Variants in PKHD1 observed in about 807,000 individuals in gnomAD.
The protein encoded by PKHD1 is PKHD1 ciliary IPT domain containing fibrocystin/polyductin.
In PKHD1, 291 loss-of-function variants were observed where a neutral mutation model predicts 412.0. The observed-to-expected ratio is 0.71, with a 90% CI of 0.64 to 0.78. The LOEUF is 0.78. PKHD1 is among the 30% of genes least tolerant of loss of function. PKHD1 has a pLI of 0.00. For synonymous variants in PKHD1, 1,777 were observed against 1,821.5 expected (o/e 0.98, Z 0.62); for missense variants, 4,825 against 4,950.7 (o/e 0.97, Z 0.76).
At chr6:51,648,332 G>T (rs933371911) in intron 62 of PKHD1, among the ~76,000 whole-genome samples, 5 of 152,196 alleles carry the variant, frequency 3.3e-5, no homozygotes, top group South Asian at 2.1e-4. Context: ...TGCAAGACAA[G>T]TTGGGGCAGG....
intron 43 of PKHD1, among the ~76,000 whole-genome samples, chr6:51,897,262 A>T (rs1211546716): frequency 6.6e-6 from 1 of 151,772 alleles, no homozygotes; most frequent in Non-Finnish European, 1.5e-5. Context: ...GCAGCCAGAG[A>T]GAAAGGTCGG....
intron 21 of PKHD1, among the ~76,000 whole-genome samples, chr6:52,050,728 G>A (rs1006485205): frequency 6.6e-6 from 1 of 152,150 alleles, no homozygotes; most frequent in Non-Finnish European, 1.5e-5. Context: ...GGGCACTTGG[G>A]TGTTTATCCA....
At chr6:51,697,358 T>C (rs565233871) in intron 60 of PKHD1, among the ~76,000 whole-genome samples, 1 of 152,328 alleles carries the variant, frequency 6.6e-6, no homozygotes, top group Admixed American at 6.5e-5. Flanking sequence ...TGCAATCAAA[T>C]CTGATTGGAG....
rs2128244930 is a variant in PKHD1, at chr6:52,083,380, G to GT, written c.53-126dup. The GT allele has an allele frequency of 5.5e-6, 4 of 727,448 alleles. No homozygotes were observed. In the East Asian group the frequency reaches 1.1e-4, roughly 20 times the overall value. 45.1% of individuals were successfully genotyped at this position (727,448 alleles called of 1,614,324 possible). A position where few individuals can be genotyped will look rare whatever the true frequency, so the allele number is the denominator to read the frequency against. ...AGAAAGGCTTGATTAAGCACAGGTG[G>GT]TTGCACCACATCCCCAGAGTTTCTG... On this transcript the variant is annotated intron_variant, in intron 2 of 66. Transcript: ENST00000371117.
intron 35 of PKHD1, among the ~76,000 whole-genome samples, chr6:52,001,617 G>C (rs1240668855): frequency 6.6e-6 from 1 of 151,940 alleles, no homozygotes; most frequent in South Asian, 2.1e-4. Context: ...ATTTTTAGTA[G>C]AGACGGGGTT....
At chr6:52,001,432 CT>C (rs781084036) in intron 35 of PKHD1, among the ~76,000 whole-genome samples, 1,731 of 140,140 alleles carry the variant, frequency 0.012, 20 homozygotes, top group African/African-American at 0.036. Context: ...GAATTTCTTC[CT>C]TTTTTTTTTT....
At chr6:51,758,482 G>A (rs1787438062) in intron 55 of PKHD1, among the ~76,000 whole-genome samples, 1 of 152,164 alleles carries the variant, frequency 6.6e-6, no homozygotes, top group African/African-American at 2.4e-5. Context: ...CTAGCTTAAC[G>A]ACTGGCTCAA....
At chr6:51,771,782 A>G (rs1790183737) in intron 55 of PKHD1, among the ~76,000 whole-genome samples, 1 of 151,946 alleles carries the variant, frequency 6.6e-6, no homozygotes, top group African/African-American at 2.4e-5. Flanking sequence ...ATTTTCTTCC[A>G]TTTTCCACAT....
Position 51,638,891 on chromosome 6 carries a change from C to T in PKHD1, c.11464G>A (p.Gly3822Arg). The T allele has an allele frequency of 1.2e-6, 2 of 1,613,326 alleles. No individual in the cohort carries two copies. Among genetic ancestry groups the T allele is most frequent in the Non-Finnish European group, 1.7e-6 (2 of 1,179,556 alleles). Residue 3822 changes from glycine to arginine, a missense_variant, in exon 64 of 67, where the codon GGG becomes AGG. Transcript: ENST00000371117. ...SFYNLAVLIS[G>R]SNWHFIFTVT... ...GTAAAAATAAAGTGCCAGTTTGACC[C>T]AGAGATCAAGACTGCCAAGTTGTAG... is the stretch of plus-strand genomic sequence containing the variant.
chr6:52,024,425 C>T (rs1173114453), intron 32 of PKHD1, 149 bp downstream of exon 32: 2 of 759,884 alleles, frequency 2.6e-6, no homozygotes, highest in Non-Finnish European at 4.6e-6. Flanking sequence ...AAAGACAAGC[C>T]TCAGGAAGGA....
At position 51,966,992 on chromosome 6, in the gene PKHD1, G is replaced by C. The variant is rs183371709; in HGVS notation, c.5752-6966C>G. On this transcript the variant is annotated intron_variant, in intron 35 of 66. Transcript: ENST00000371117. ...TATCAAAGGAGGACCTTGAAAAAAG[G>C]GTGTGCTTGGAGTACTGCAGCTGCA... is the stretch of plus-strand genomic sequence containing the variant. Among the ~76,000 whole-genome samples, 7 of 152,188 alleles carry C rather than the reference G, an allele frequency of 4.6e-5. No homozygotes were observed. The East Asian group carries it at 7.8e-4, about 17-fold the overall frequency.
Position 52,083,590 on chromosome 6 carries a change from CA to C in PKHD1, c.53-336del, listed in dbSNP as rs150457607. 3.9e-3 allele frequency among the ~76,000 whole-genome samples: 600 copies of C among 152,274 alleles called. 20 individuals carry two copies. In the East Asian group the frequency reaches 0.1, roughly 26 times the overall value. ...TTTCTACTTCCTTTGGAAAGAGCCT[CA>C]AGGACATATTTGGGTCCTAATCAAA... On this transcript the variant is annotated intron_variant, in intron 2 of 66. Coordinates refer to ENST00000371117, the MANE Select transcript of PKHD1 (RefSeq NM_138694.4).
At chr6:52,059,759 A>G (rs1449094195) in intron 15 of PKHD1, among the ~76,000 whole-genome samples, 169 bp downstream of exon 15, 3 of 152,350 alleles carry the variant, frequency 2.0e-5, no homozygotes, top group East Asian at 1.9e-4. Context: ...TGCTCAATAA[A>G]TAGTACGTTC....
chr6:51,812,449 A>C (rs1301978133), intron 52 of PKHD1, among the ~76,000 whole-genome samples: 1 of 152,216 alleles, frequency 6.6e-6, no homozygotes, highest in Non-Finnish European at 1.5e-5. Context: ...AGTGGTCATC[A>C]GACATACCTC....
At chr6:51,933,930 G>A (rs1402528902) in intron 37 of PKHD1, among the ~76,000 whole-genome samples, 180 bp downstream of exon 37, 2 of 152,188 alleles carry the variant, frequency 1.3e-5, no homozygotes, top group Non-Finnish European at 2.9e-5. Context: ...AATTGGGAAC[G>A]GTAGTGTACT....
At chr6:51,678,947 T>C (rs749495936) in intron 60 of PKHD1, among the ~76,000 whole-genome samples, 1 of 152,116 alleles carries the variant, frequency 6.6e-6, no homozygotes, top group Non-Finnish European at 1.5e-5. Flanking sequence ...TGGCACACTC[T>C]TTACCCAGAA....
rs182127743 is a variant in PKHD1, at chr6:51,849,585, T to A, written c.7912-1615A>T. Among the ~76,000 whole-genome samples the A allele has an allele frequency of 1.4e-3, 206 of 152,336 alleles. 3 individuals carry two copies. Among genetic ancestry groups the A allele is most frequent in the Non-Finnish European group, 1.2e-3 (81 of 68,028 alleles). ...TTTCCTGACTTTTTAATAATTGCCA[T>A]TCTGACTGGCATGAGATGGTATCTC... On this transcript the variant is annotated intron_variant, in intron 49 of 66. Transcript: ENST00000371117.
At chr6:51,985,038 GATC>G (rs1325928470) in intron 35 of PKHD1, among the ~76,000 whole-genome samples, 2 of 151,390 alleles carry the variant, frequency 1.3e-5, no homozygotes, top group Non-Finnish European at 2.9e-5. Context: ...ACAATTACTA[GATC>G]ATCAATTATT....
chr6:51,885,323 C>T (rs1778037908), intron 45 of PKHD1, among the ~76,000 whole-genome samples: 2 of 152,116 alleles, frequency 1.3e-5, no homozygotes. Flanking sequence ...TAGCTTATTT[C>T]TTCTAAAGTA....
Sources: gnomAD v4.1 joint callset for allele counts (sites outside exome capture counted in the v4.1 genomes callset) on GRCh38, gnomAD v4.1.1 for gene constraint, MANE v1.5 for transcripts, NCBI Gene and HGNC (gene_info 2026-07-23, HGNC 2026-07-21) for gene names.